The following MCCC1 variants were observed in gnomAD, a reference collection of about 807,000 sequenced individuals.
MCCC1 encodes the protein methylcrotonyl-CoA carboxylase subunit 1, also known as methylcrotonoyl-CoA carboxylase subunit alpha, mitochondrial.
MCCC1 carries 64 observed loss-of-function variants against 83.8 expected under a neutral mutation model. The observed-to-expected ratio is 0.76, with a 90% confidence interval of 0.62 to 0.94. MCCC1 has a LOEUF of 0.94. Ranked by LOEUF, MCCC1 falls within the 40% of genes least tolerant of loss-of-function variation. The pLI, the probability that MCCC1 is intolerant of heterozygous loss-of-function variation, is 0.00. For missense variants in MCCC1, 807 were observed against 904.7 expected (o/e 0.89, Z 1.39); for synonymous variants, 322 against 315.4 (o/e 1.02, Z -0.22).
chr3:183,070,000 A>ATTTCTGTGTT (rs1716532164), intron 7 of MCCC1, among the ~76,000 whole-genome samples: 1 of 152,226 alleles, frequency 6.6e-6, no homozygotes. Flanking sequence ...AAAGTAACAC[A>ATTTCTGTGTT]ACACAACCAT....
chr3:183,085,789 C>T (rs1181482397), intron 4 of MCCC1, among the ~76,000 whole-genome samples: 4 of 152,166 alleles, frequency 2.6e-5, no homozygotes, highest in Non-Finnish European at 5.9e-5. Context: ...TGCCTGTTTG[C>T]CAGTGGGCTT....
At chr3:183,061,082 T>G (rs1715797959) in intron 7 of MCCC1, among the ~76,000 whole-genome samples, 2 of 152,064 alleles carry the variant, frequency 1.3e-5, no homozygotes, top group South Asian at 4.1e-4. Flanking sequence ...CTCTTAATAC[T>G]TGGGGATAGC....
At chr3:183,066,295 G>C (rs1420471546) in intron 7 of MCCC1, among the ~76,000 whole-genome samples, 2 of 152,066 alleles carry the variant, frequency 1.3e-5, no homozygotes, top group Non-Finnish European at 2.9e-5. Flanking sequence ...CTCTTCAAAA[G>C]GAGATTTATT....
At position 183,041,608 on chromosome 3, in the gene MCCC1, CGAG is replaced by C. The variant is rs1714090337; in HGVS notation, c.1223_1225del (p.Pro408del). On this transcript the variant is annotated inframe_deletion, in exon 11 of 19. Coordinates refer to ENST00000265594, the MANE Select transcript of MCCC1 (RefSeq NM_020166.5). Reference sequence around the variant, plus strand: ...TTCAATCCTGGTGGAAGGGTCTGCTCGAGGAGTAGAGAGGTGCACTAATGGGCC... The same window carrying C: ...TTCAATCCTGGTGGAAGGGTCTGCTCGAGTAGAGAGGTGCACTAATGGGCC... 6.2e-7 allele frequency: 1 copy of C among 1,613,960 alleles called. No homozygotes were observed. Among genetic ancestry groups the C allele is most frequent in the South Asian group, 1.1e-5 (1 of 91,082 alleles).
At chr3:183,065,987 A>G (rs1474545636) in intron 7 of MCCC1, among the ~76,000 whole-genome samples, 1 of 152,212 alleles carries the variant, frequency 6.6e-6, no homozygotes, top group Non-Finnish European at 1.5e-5. Flanking sequence ...CAGTTATGTA[A>G]AGGTGAAATT....
At chr3:183,106,081 T>TAAAAAAAAAAAAAAAAAAAAAAAAA (rs563718218) in intron 1 of MCCC1, among the ~76,000 whole-genome samples, 3 of 101,064 alleles carry the variant, frequency 3.0e-5, no homozygotes, top group African/African-American at 1.1e-4. Flanking sequence ...AGAGAGTCCG[T>TAAAAAAAAAAAAAAAAAAAAAAAAA]AAAAAAAAAA....
Position 183,050,907 on chromosome 3 carries a change from T to A in MCCC1, c.955+1252A>T, listed in dbSNP as rs189262925. Reference sequence around the variant, plus strand: ...AACAGACACTTCATCAAAGAAGATATAAAGATGGCAAGTATGCATATGAAA... The same window carrying A: ...AACAGACACTTCATCAAAGAAGATAAAAAGATGGCAAGTATGCATATGAAA... On this transcript the variant is annotated intron_variant, in intron 9 of 18. Transcript: ENST00000265594. 1.2e-4 allele frequency among the ~76,000 whole-genome samples: 19 copies of A among 152,170 alleles called. No individual in the cohort carries two copies. The East Asian group carries it at 3.7e-3, about 29-fold the overall frequency.
chr3:183,062,560 G>C (rs565496544), intron 7 of MCCC1, among the ~76,000 whole-genome samples: 4 of 152,050 alleles, frequency 2.6e-5, no homozygotes, highest in African/African-American at 4.8e-5. Flanking sequence ...TCACCGTGTT[G>C]CCCAGGCTGG....
chr3:183,074,713 A>C (rs1456360278), intron 4 of MCCC1, among the ~76,000 whole-genome samples: 2 of 152,196 alleles, frequency 1.3e-5, no homozygotes, highest in Non-Finnish European at 2.9e-5. Context: ...TTTAAACCAA[A>C]GTTCAATTTT....
At chr3:183,070,916 G>A in intron 7 of MCCC1, 83 bp downstream of exon 7, 2 of 1,455,626 alleles carry the variant, frequency 1.4e-6, no homozygotes, top group Non-Finnish European at 1.9e-6. Context: ...TACTACTACA[G>A]TTTTATATTT....
intron 2 of MCCC1, among the ~76,000 whole-genome samples, chr3:183,093,316 T>C (rs1718502737): frequency 6.6e-6 from 1 of 152,218 alleles, no homozygotes; most frequent in South Asian, 2.1e-4. Context: ...ATCTCAATTT[T>C]AAAGATGAAG....
chr3:183,036,223 A>G (rs958415377), intron 13 of MCCC1, among the ~76,000 whole-genome samples: 2 of 152,144 alleles, frequency 1.3e-5, no homozygotes, highest in Non-Finnish European at 2.9e-5. Context: ...TGCAATGCAT[A>G]TGTGTGGTAG....
intron 9 of MCCC1, among the ~76,000 whole-genome samples, chr3:183,051,086 C>T (rs1009562965): frequency 1.3e-5 from 2 of 152,164 alleles, no homozygotes; most frequent in Non-Finnish European, 2.9e-5. Context: ...CAAAATAGTA[C>T]TGTCACTTTA....
intron 10 of MCCC1, among the ~76,000 whole-genome samples, chr3:183,043,473 AAC>A (rs1273696481): frequency 6.6e-6 from 1 of 152,224 alleles, no homozygotes; most frequent in East Asian, 1.9e-4. Flanking sequence ...GCTTTCCCTG[AAC>A]ACTGTTAACT....
At chr3:183,089,160 C>T (rs1389513577) in intron 3 of MCCC1, among the ~76,000 whole-genome samples, 2 of 152,286 alleles carry the variant, frequency 1.3e-5, no homozygotes, top group East Asian at 3.9e-4. Flanking sequence ...GAATATTATC[C>T]ACCTTTTACA....
chr3:183,051,712 A>G (rs1418874323), intron 9 of MCCC1, among the ~76,000 whole-genome samples: 1 of 146,618 alleles, frequency 6.8e-6, no homozygotes, highest in Non-Finnish European at 1.5e-5. Flanking sequence ...GACTGTAACA[A>G]ACGTACCTCT....
In MCCC1 at chr3:183,017,320, T is replaced by C. The variant is rs750399406; in HGVS notation, c.1995A>G (p.Gly665=). The change falls in exon 18 of 19, where the codon GGA becomes GGG. Residue 665 remains glycine, a synonymous_variant. Coordinates refer to ENST00000265594, the MANE Select transcript of MCCC1 (RefSeq NM_020166.5). ...GTIEKVFVKA[G]DKVKAGDSLM... ...GGGAATCTCCCGCTTTCACTTTGTC[T>C]CCAGCTTTGACAAACACCTTGAGAT... 1 of 1,613,872 alleles carries C rather than the reference T, an allele frequency of 6.2e-7. No homozygotes were observed. The highest frequency in any genetic ancestry group is 8.5e-7 in the Non-Finnish European group (1 of 1,180,004).
chr3:183,034,790 C>G (rs117452046), intron 13 of MCCC1, among the ~76,000 whole-genome samples: 1 of 97,554 alleles, frequency 1.0e-5, no homozygotes, highest in South Asian at 3.8e-4. Flanking sequence ...TTTTTTTTTT[C>G]TTTTTTGAGA....
At chr3:183,059,927 C>T (rs1715700359) in intron 7 of MCCC1, among the ~76,000 whole-genome samples, 1 of 151,788 alleles carries the variant, frequency 6.6e-6, no homozygotes, top group Non-Finnish European at 1.5e-5. Context: ...CTTTCTTTTC[C>T]TGCATTTGAA....
Sources: allele counts gnomAD v4.1 joint callset (sites outside exome capture counted in the v4.1 genomes callset), GRCh38; gene constraint gnomAD v4.1.1; transcripts MANE v1.5; gene names NCBI Gene and HGNC (gene_info 2026-07-23, HGNC 2026-07-21).